Variants in SLC24A2 observed in about 807,000 individuals in gnomAD.
SLC24A2 encodes the protein solute carrier family 24 member 2.
Under a neutral mutation model 62.0 loss-of-function variants are expected in SLC24A2, and 36 were observed. The ratio of observed to expected loss-of-function variants is 0.58; its 90% CI spans 0.44 to 0.77. The LOEUF is 0.77. SLC24A2 is among the 30% of genes least tolerant of loss of function. The pLI, the probability that SLC24A2 is intolerant of heterozygous loss-of-function variation, is 0.00. For synonymous variants in SLC24A2, 358 were observed against 294.0 expected, an observed-to-expected ratio of 1.22 and a Z score of -2.23; for missense variants, 846 against 817.9, an observed-to-expected ratio of 1.03 and a Z score of -0.42.
the SLC24A2 span, among the ~76,000 whole-genome samples, chr9:19,909,848 A>G: frequency 6.6e-6 from 1 of 152,188 alleles, no homozygotes; most frequent in African/African-American, 2.4e-5. Context: ...GCATGTTCTA[A>G]TACCCCTCAC....
At chr9:19,568,468 A>C (rs1835742384) in intron 7 of SLC24A2, among the ~76,000 whole-genome samples, 1 of 152,216 alleles carries the variant, frequency 6.6e-6, no homozygotes, top group African/African-American at 2.4e-5. Flanking sequence ...TAAAAATGTT[A>C]CTCAGTACTG....
the SLC24A2 span, among the ~76,000 whole-genome samples, chr9:20,255,248 G>T: frequency 0.017 from 2,580 of 152,274 alleles, 54 homozygotes; most frequent in South Asian, 0.06. Flanking sequence ...TGATGCACTG[G>T]TAATGACTGC....
At chr9:20,188,336 G>A in the SLC24A2 span, among the ~76,000 whole-genome samples, 10 of 152,194 alleles carry the variant, frequency 6.6e-5, no homozygotes, top group African/African-American at 2.2e-4. Context: ...CTTAACAATA[G>A]GGAGTCTGCT....
intron 7 of SLC24A2, among the ~76,000 whole-genome samples, chr9:19,553,268 G>T (rs1195852282): frequency 1.3e-5 from 2 of 152,192 alleles, no homozygotes; most frequent in Admixed American, 1.3e-4. Flanking sequence ...GGATGCTCCA[G>T]GGGAGAGGCC....
At chr9:19,696,035 C>A (rs1461634894) in intron 2 of SLC24A2, among the ~76,000 whole-genome samples, 1 of 152,084 alleles carries the variant, frequency 6.6e-6, no homozygotes, top group East Asian at 1.9e-4. Flanking sequence ...AGGAGGTGGG[C>A]AAAGGGTGAG....
the SLC24A2 span, among the ~76,000 whole-genome samples, chr9:19,858,052 T>G: frequency 6.6e-6 from 1 of 152,118 alleles, no homozygotes; most frequent in Non-Finnish European, 1.5e-5. Context: ...GCCAAGGCAA[T>G]CCTAAGCCAA....
At chr9:20,202,836 C>T in the SLC24A2 span, among the ~76,000 whole-genome samples, 6 of 152,292 alleles carry the variant, frequency 3.9e-5, no homozygotes, top group Middle Eastern at 3.4e-3. Flanking sequence ...TAGGTATTAA[C>T]ATAGAAAGCA....
chr9:20,108,296 C>G, the SLC24A2 span, among the ~76,000 whole-genome samples: 1 of 152,066 alleles, frequency 6.6e-6, no homozygotes, highest in Non-Finnish European at 1.5e-5. Context: ...GTGGCGATTC[C>G]TCAGGGATCT....
chr9:19,711,094 G>C (rs56298204), intron 2 of SLC24A2, among the ~76,000 whole-genome samples: 1 of 152,228 alleles, frequency 6.6e-6, no homozygotes, highest in Non-Finnish European at 1.5e-5. Flanking sequence ...AGTTCTGTAA[G>C]TAAGGTCTGG....
intron 2 of SLC24A2, among the ~76,000 whole-genome samples, chr9:19,662,303 G>C (rs1326067868): frequency 2.0e-5 from 3 of 152,158 alleles, no homozygotes; most frequent in Non-Finnish European, 4.4e-5. Context: ...CTGAAAACCA[G>C]AGTGTGTGTT....
At chr9:19,923,915 T>C in the SLC24A2 span, among the ~76,000 whole-genome samples, 1 of 152,124 alleles carries the variant, frequency 6.6e-6, no homozygotes, top group East Asian at 1.9e-4. Context: ...GTCTGGCTAA[T>C]TTTTGTATTT....
the SLC24A2 span, among the ~76,000 whole-genome samples, chr9:19,861,505 T>C: frequency 6.6e-6 from 1 of 151,966 alleles, no homozygotes; most frequent in Non-Finnish European, 1.5e-5. Flanking sequence ...CTACAATAAA[T>C]ACCTAACACT....
intron 4 of SLC24A2, among the ~76,000 whole-genome samples, chr9:19,610,256 C>T (rs977694193): frequency 3.9e-5 from 6 of 152,064 alleles, no homozygotes; most frequent in African/African-American, 1.4e-4. Flanking sequence ...TACAAGAGCC[C>T]ACAGAAAATA....
chr9:20,073,406 T>C, the SLC24A2 span, among the ~76,000 whole-genome samples: 1 of 152,148 alleles, frequency 6.6e-6, no homozygotes, highest in Non-Finnish European at 1.5e-5. Flanking sequence ...TTTGGGACCA[T>C]AATTTCATCT....
chr9:19,619,560 C>A lies in SLC24A2; in HGVS notation c.1078+24G>T, dbSNP rs1161583849. 6 of 1,575,216 alleles carry A rather than the reference C, an allele frequency of 3.8e-6. No homozygotes were observed. The East Asian group carries it at 8.9e-5, about 23-fold the overall frequency. The stretch of plus-strand genomic sequence containing the variant: ...GCATCCTTTTCCCCCCAAACAAGTT[C>A]CCAAACCAAAGCTTGATGTTTACCT... On this transcript the variant is annotated intron_variant, in intron 4 of 10. Transcript: ENST00000341998.
chr9:19,656,454 G>A (rs1188527822), intron 2 of SLC24A2, among the ~76,000 whole-genome samples: 1 of 152,064 alleles, frequency 6.6e-6, no homozygotes, highest in Non-Finnish European at 1.5e-5. Context: ...TTATTCTAAT[G>A]TCTCACTTTC....
the SLC24A2 span, among the ~76,000 whole-genome samples, chr9:19,934,989 G>C: frequency 1.3e-5 from 2 of 152,050 alleles, no homozygotes; most frequent in African/African-American, 4.8e-5. The surrounding 1 kb of genome is among the most constrained non-coding windows in gnomAD (Gnocchi z 4.1). Context: ...TGGGAAAGGA[G>C]GAATCGATTT....
intron 7 of SLC24A2, among the ~76,000 whole-genome samples, chr9:19,554,387 T>C (rs1834982932): frequency 6.6e-6 from 1 of 152,240 alleles, no homozygotes. Flanking sequence ...CTAGAGATGA[T>C]TTAAAGGATA....
In SLC24A2 at chr9:19,619,575, G is replaced by A. The variant is rs1817858529; in HGVS notation, c.1078+9C>T. ...CAAACAAGTTCCCAAACCAAAGCTT[G>A]ATGTTTACCTTCGGCGAGTGGGTCA... is the stretch of plus-strand genomic sequence containing the variant. On this transcript the variant is annotated intron_variant, in intron 4 of 10. Coordinates refer to ENST00000341998, the MANE Select transcript of SLC24A2 (RefSeq NM_020344.4). 1.2e-6 allele frequency: 2 copies of A among 1,600,794 alleles called. No individual in the cohort carries two copies. Among genetic ancestry groups the A allele is most frequent in the African/African-American group, 1.3e-5 (1 of 74,740 alleles).
Sources: gnomAD v4.1 joint callset for allele counts (sites outside exome capture counted in the v4.1 genomes callset) on GRCh38, gnomAD v4.1.1 for gene constraint, Gnocchi (gnomAD v3.1) non-coding constraint, MANE v1.5 for transcripts, NCBI Gene and HGNC (gene_info 2026-07-23, HGNC 2026-07-21) for gene names.